CHD9: variants seen among roughly 807,000 people sequenced by gnomAD.
CHD9 encodes the protein chromodomain helicase DNA binding protein 9.
Under a neutral mutation model 316.1 loss-of-function variants are expected in CHD9, and 77 were observed. The ratio of observed to expected loss-of-function variants is 0.24; its 90% confidence interval spans 0.20 to 0.29. CHD9 has a LOEUF of 0.29. CHD9 is among the 10% of genes least tolerant of loss of function. The probability of loss-of-function intolerance (pLI) is 1.00; values close to 1 mark genes in which losing one functional copy is unlikely to be tolerated. For missense variants in CHD9, 2,763 were observed against 3,438.1 expected, an observed-to-expected ratio of 0.80 and a Z score of 4.91; for synonymous variants, 1,129 against 1,158.3, an observed-to-expected ratio of 0.97 and a Z score of 0.51.
chr16:53,147,360 G>A (rs1369598233), intron 1 of CHD9, among the ~76,000 whole-genome samples: 1 of 152,174 alleles, frequency 6.6e-6, no homozygotes, highest in African/African-American at 2.4e-5. Context: ...TTAATTGTAA[G>A]ATCCATTTGA....
At chr16:53,249,313 T>G (rs544197488) in intron 16 of CHD9, among the ~76,000 whole-genome samples, 107 of 152,310 alleles carry the variant, frequency 7.0e-4, no homozygotes, top group African/African-American at 2.5e-3. Context: ...TTTATTTTTA[T>G]TTGATGTCTT....
In CHD9 at chr16:53,264,251, T is replaced by C. The variant is rs528984640; in HGVS notation, c.4320+1154T>C. ...TATAACTAGAAAAAATAATTTTAAA[T>C]TTTTTTGGAAGAATATTTAATGCAC... On this transcript the variant is annotated intron_variant, in intron 20 of 38. Coordinates refer to ENST00000447540, the MANE Select transcript of CHD9 (RefSeq NM_001308319.2). Among the ~76,000 whole-genome samples the C allele has an allele frequency of 3.3e-5, 5 of 152,188 alleles. No homozygotes were observed. The South Asian group carries it at 1.0e-3, about 32-fold the overall frequency.
intron 1 of CHD9, among the ~76,000 whole-genome samples, chr16:53,055,912 T>C (rs2032049339): frequency 6.6e-6 from 1 of 152,222 alleles, no homozygotes; most frequent in Non-Finnish European, 1.5e-5. Flanking sequence ...CTCCCCACCC[T>C]GATCCCAGAG....
At chr16:53,236,919 C>G (rs953226094) in intron 11 of CHD9, among the ~76,000 whole-genome samples, 1 of 151,776 alleles carries the variant, frequency 6.6e-6, no homozygotes, top group African/African-American at 2.4e-5. Context: ...CTTTAGCTCT[C>G]TTTTCATATT....
intron 3 of CHD9, among the ~76,000 whole-genome samples, chr16:53,216,940 C>T (rs1189486997): frequency 1.3e-5 from 2 of 152,102 alleles, no homozygotes; most frequent in Non-Finnish European, 2.9e-5. Flanking sequence ...CTTCACTCAC[C>T]TTCCTCAAAT....
intron 1 of CHD9, among the ~76,000 whole-genome samples, chr16:53,101,751 G>A (rs1319715318): frequency 6.6e-6 from 1 of 152,118 alleles, no homozygotes; most frequent in Non-Finnish European, 1.5e-5. Context: ...CCCTAGTATT[G>A]TATACACTTT....
intron 19 of CHD9, among the ~76,000 whole-genome samples, chr16:53,258,296 A>G (rs934067333): frequency 2.0e-5 from 3 of 152,118 alleles, no homozygotes; most frequent in Non-Finnish European, 4.4e-5. Flanking sequence ...ACTCAAGTAT[A>G]CTCTAATGCT....
Position 53,307,760 on chromosome 16 carries a change from A to G in CHD9, c.6860A>G (p.Tyr2287Cys), listed in dbSNP as rs2056114027. The G allele has an allele frequency of 6.2e-7, 1 of 1,612,832 alleles. No individual in the cohort carries two copies. Among genetic ancestry groups the G allele is most frequent in the Non-Finnish European group, 8.5e-7 (1 of 1,179,480 alleles). The change falls in exon 33 of 39, where the codon TAT becomes TGT. Residue 2287 changes from tyrosine (Y) to cysteine (C), a missense_variant. By Grantham distance (194) the Tyr-to-Cys change is radical. Around this residue, in one of 15 missense-constraint regions of CHD9, gnomAD observed 663 missense variants for 751.2 expected, o/e 0.88. Coordinates refer to ENST00000447540, the MANE Select transcript of CHD9 (RefSeq NM_001308319.2). The stretch of plus-strand genomic sequence containing the variant: ...AAGTGGCCTTCAGCTAGAAGAAGTT[A>G]TGATGCTAACACAGTGGCTTCTTTC... ...KGKWPSARRS[Y>C]DANTVASFYT...
At chr16:53,242,488 A>G (rs1352882502) in intron 12 of CHD9, among the ~76,000 whole-genome samples, 1 of 152,184 alleles carries the variant, frequency 6.6e-6, no homozygotes, top group African/African-American at 2.4e-5. Context: ...TCATTGGTGT[A>G]AGTAATAAGA....
intron 1 of CHD9, among the ~76,000 whole-genome samples, chr16:53,102,502 C>G (rs1305659628): frequency 6.6e-6 from 1 of 152,024 alleles, no homozygotes; most frequent in Non-Finnish European, 1.5e-5. Context: ...AACAGTCTCA[C>G]TCCAGAGTCT....
At chr16:53,234,346 T>C (rs932532949) in intron 10 of CHD9, among the ~76,000 whole-genome samples, 1 of 152,186 alleles carries the variant, frequency 6.6e-6, no homozygotes, top group Non-Finnish European at 1.5e-5. Context: ...TTATACTTGT[T>C]AGTGCCTGCA....
At chr16:53,077,966 T>A (rs2034690453) in intron 1 of CHD9, among the ~76,000 whole-genome samples, 1 of 152,090 alleles carries the variant, frequency 6.6e-6, no homozygotes, top group South Asian at 2.1e-4. Context: ...CCCAGCTACT[T>A]GGGGAGCTGA....
chr16:53,061,245 A>G (rs1421055037), intron 1 of CHD9, among the ~76,000 whole-genome samples: 2 of 152,138 alleles, frequency 1.3e-5, no homozygotes, highest in African/African-American at 4.8e-5. Flanking sequence ...GTCTCTTTAA[A>G]ACAAAAAAAC....
chr16:53,162,869 C>G (rs994166462), intron 2 of CHD9, among the ~76,000 whole-genome samples: 1 of 150,498 alleles, frequency 6.6e-6, no homozygotes, highest in African/African-American at 2.5e-5. Flanking sequence ...ATTGCAGCCT[C>G]CATCTCCTGG....
At chr16:53,217,959 T>TCTTTCTTTC (rs1018913032) in intron 3 of CHD9, among the ~76,000 whole-genome samples, 2 of 143,198 alleles carry the variant, frequency 1.4e-5, no homozygotes, top group East Asian at 4.1e-4. Flanking sequence ...TTTCTTTCTT[T>TCTTTCTTTC]TTTTTTTTAA....
chr16:53,215,650 T>C (rs1444475396), intron 3 of CHD9, among the ~76,000 whole-genome samples: 1 of 152,164 alleles, frequency 6.6e-6, no homozygotes, highest in Non-Finnish European at 1.5e-5. Flanking sequence ...TTTTCTCTTA[T>C]GATGAATTGG....
At chr16:53,233,621 C>T (rs933638478) in intron 10 of CHD9, among the ~76,000 whole-genome samples, 1 of 152,086 alleles carries the variant, frequency 6.6e-6, no homozygotes, top group Admixed American at 6.6e-5. Context: ...TCCCCTCCTC[C>T]CCTCCTTCCT....
intron 1 of CHD9, among the ~76,000 whole-genome samples, chr16:53,138,315 A>G (rs1291318328): frequency 6.6e-6 from 1 of 152,216 alleles, no homozygotes; most frequent in Non-Finnish European, 1.5e-5. Flanking sequence ...GCAGATTTGA[A>G]TTTCTCAAAG....
chr16:53,098,571 C>G (rs1300355800), intron 1 of CHD9, among the ~76,000 whole-genome samples: 1 of 152,044 alleles, frequency 6.6e-6, no homozygotes, highest in Admixed American at 6.6e-5. Context: ...CCTGGAGACC[C>G]GAAACAATGT....
Sources: allele counts gnomAD v4.1 joint callset (sites outside exome capture counted in the v4.1 genomes callset), GRCh38; gene constraint gnomAD v4.1.1; regional missense constraint gnomAD v4.1.1; transcripts MANE v1.5; gene names NCBI Gene and HGNC (gene_info 2026-07-23, HGNC 2026-07-21).